SLC45A3: variants seen among roughly 807,000 people sequenced by gnomAD.
The protein encoded by SLC45A3 is solute carrier family 45 member 3.
Under a neutral mutation model 35.3 loss-of-function variants are expected in SLC45A3, and 17 were observed. The observed-to-expected ratio is 0.48, with a 90% confidence interval of 0.33 to 0.72. The LOEUF (loss-of-function observed/expected upper bound fraction) is 0.72, where lower values mean the gene tolerates loss of function less well. Among genes scored for constraint, SLC45A3 ranks in the 30% least tolerant of loss-of-function variants. SLC45A3 has a pLI of 0.02. For missense variants in SLC45A3, 597 were observed against 731.7 expected, an observed-to-expected ratio of 0.82 and a Z score of 2.12; for synonymous variants, 288 against 334.3, an observed-to-expected ratio of 0.86 and a Z score of 1.51.
rs759809054 is a variant in SLC45A3, at chr1:205,663,319, G to A, written c.472C>T (p.Arg158Cys). The A allele has an allele frequency of 6.8e-6, 11 of 1,613,286 alleles. No individual in the cohort carries two copies. Among genetic ancestry groups the A allele is most frequent in the African/African-American group, 4.0e-5 (3 of 74,940 alleles). The change falls in exon 3 of 5, where the codon CGC (arginine) becomes TGC (cysteine). Residue 158 changes from arginine (R) to cysteine (C), a missense_variant. Arg to Cys is a radical substitution (Grantham distance 180, BLOSUM62 -3). Around this residue, in one of 3 missense-constraint regions of SLC45A3, gnomAD observed 555 missense variants for 664.9 expected, o/e 0.83. Transcript: ENST00000367145. The part of the protein sequence containing the change: ...SDLFRDPDHC[R>C]QAYSVYAFMI... Reference sequence around the variant, plus strand: ...AAGGCATAGACAGAGTAGGCCTGGCGACAGTGGTCCGGGTCCCGGAAGAGG... The same window carrying A: ...AAGGCATAGACAGAGTAGGCCTGGCAACAGTGGTCCGGGTCCCGGAAGAGG...
chr1:205,671,513 T>C (rs1202882372), intron 1 of SLC45A3, among the ~76,000 whole-genome samples: 2 of 152,184 alleles, frequency 1.3e-5, no homozygotes, highest in Non-Finnish European at 2.9e-5. Flanking sequence ...CTTATTATAA[T>C]TGCATGAGCC....
At position 205,664,969 on chromosome 1, in the gene SLC45A3, A is replaced by C; in HGVS notation, c.-230-83T>G. The C allele has an allele frequency of 8.4e-7, 1 of 1,193,840 alleles. No individual in the cohort carries two copies. The highest frequency in any genetic ancestry group is 1.0e-6 in the Non-Finnish European group (1 of 958,466). 74.0% of individuals were successfully genotyped at this position (1,193,840 alleles called of 1,614,324 possible). A position where few individuals can be genotyped will look rare whatever the true frequency, so the allele number is the denominator to read the frequency against. On this transcript the variant is annotated intron_variant, in intron 1 of 4. Coordinates refer to ENST00000367145, the MANE Select transcript of SLC45A3 (RefSeq NM_033102.3). The surrounding 1 kb of genome is among the most constrained non-coding windows in gnomAD (Gnocchi z 5.3). ...CCACGATTTGCTCTAAATTGTCTGG[A>C]TCCTGATCATTCACAGGCTGGCGAC... is the stretch of plus-strand genomic sequence containing the variant.
At chr1:205,674,001 C>T (rs944329454) in intron 1 of SLC45A3, among the ~76,000 whole-genome samples, 1 of 152,244 alleles carries the variant, frequency 6.6e-6, no homozygotes, top group Non-Finnish European at 1.5e-5. Flanking sequence ...CAGAAAACAA[C>T]TGATCGCAGC....
chr1:205,658,168 A>C lies in SLC45A3; in HGVS notation c.*1066T>G, dbSNP rs928553991. 1.3e-5 allele frequency: 3 copies of C among 223,704 alleles called. No individual in the cohort carries two copies. The highest frequency in any genetic ancestry group is 6.8e-5 in the African/African-American group (3 of 44,316). The allele number at this position is 223,704 out of a possible 1,614,324, so 13.9% of individuals were successfully genotyped here. On this transcript the variant is annotated 3_prime_UTR_variant, in exon 5 of 5. Transcript: ENST00000367145. ...TGGTGGGGAAAGTTGGGGGTAGGGG[A>C]AAGTTGGGGGTAGGGGAAATTTTGG...
In SLC45A3 at chr1:205,662,284, G is replaced by A. The variant is rs192782299; in HGVS notation, c.959-158C>T. 8.1e-4 allele frequency: 1,160 copies of A among 1,431,434 alleles called. 1 individual carries two copies. The Middle Eastern group carries it at 9.1e-3, about 11-fold the overall frequency. 88.7% of individuals were successfully genotyped at this position (1,431,434 alleles called of 1,614,324 possible). On this transcript the variant is annotated intron_variant, in intron 3 of 4. Transcript: ENST00000367145. This position sits in a 1 kb window ranked among gnomAD's most constrained non-coding sequence, Gnocchi z 6.2. ...CCTTCCCCTTTCTACCTCTAGCAATGGGAGTCTAGGTTCTTCCACTGACCC... is the reference window on the plus strand; with the variant it reads ...CCTTCCCCTTTCTACCTCTAGCAATAGGAGTCTAGGTTCTTCCACTGACCC...
rs368032300 is a variant in SLC45A3, at chr1:205,662,192, T to C, written c.959-66A>G. ...AAGGGTCGGAGCAGTCTCAGGGAGA[T>C]GAGAAGGCGGAACCACAGGTACCTG... On this transcript the variant is annotated intron_variant, in intron 3 of 4. Transcript: ENST00000367145. The surrounding 1 kb of genome is among the most constrained non-coding windows in gnomAD (Gnocchi z 6.2). 3 of 1,531,680 alleles carry C rather than the reference T, an allele frequency of 2.0e-6. No homozygotes were observed. Among genetic ancestry groups the C allele is most frequent in the Non-Finnish European group, 1.8e-6 (2 of 1,137,892 alleles). The allele number at this position is 1,531,680 out of a possible 1,614,324, so 94.9% of individuals were successfully genotyped here. A position where few individuals can be genotyped will look rare whatever the true frequency, so the allele number is the denominator to read the frequency against.
rs531307029 is a variant in SLC45A3 at position 205,663,189 on chromosome 1, C to A, written c.602G>T (p.Gly201Val). 5.0e-6 allele frequency: 8 copies of A among 1,613,158 alleles called. No individual in the cohort carries two copies. In the Admixed American group the frequency reaches 1.3e-4, roughly 27 times the overall value. The change falls in exon 3 of 5, where the codon GGC (glycine) becomes GTC (valine). Residue 201 changes from glycine (G) to valine (V), a missense_variant. Physicochemically the swap from Gly to Val is moderately radical, Grantham distance 109 (BLOSUM62 -3). Coordinates refer to ENST00000367145, the MANE Select transcript of SLC45A3 (RefSeq NM_033102.3). ...YLGTQEECLF[G>V]LLTLIFLTCV... Reference sequence around the variant, plus strand: ...GGTGAGGAAGATGAGGGTGAGCAGGCCAAAGAGGCACTCCTCCTGGGTGCC... The same window carrying A: ...GGTGAGGAAGATGAGGGTGAGCAGGACAAAGAGGCACTCCTCCTGGGTGCC...
At chr1:205,665,031 G>T (rs1671097010) in intron 1 of SLC45A3, 145 bp from the exon 2 acceptor site, 3 of 646,760 alleles carry the variant, frequency 4.6e-6, no homozygotes, top group Non-Finnish European at 6.3e-6. Flanking sequence ...CTTCTGCCCA[G>T]TCAGGAAATG....
chr1:205,662,369 TG>T lies in SLC45A3; in HGVS notation c.959-244del, dbSNP rs1315005037. ...AGAGGAAGGTAGTCTGAAGGTTTCC[TG>T]GGAGTCTCAGCTGTGAGGACAGGCG... On this transcript the variant is annotated intron_variant, in intron 3 of 4. Coordinates refer to ENST00000367145, the MANE Select transcript of SLC45A3 (RefSeq NM_033102.3). The surrounding 1 kb of genome is among the most constrained non-coding windows in gnomAD (Gnocchi z 6.2). The T allele has an allele frequency of 2.5e-5, 35 of 1,395,122 alleles. No individual in the cohort carries two copies. In the East Asian group the frequency reaches 7.9e-4, roughly 32 times the overall value. 86.4% of individuals were successfully genotyped at this position (1,395,122 alleles called of 1,614,324 possible).
At chr1:205,676,377 G>A (rs543293814) in intron 1 of SLC45A3, among the ~76,000 whole-genome samples, 11 of 152,108 alleles carry the variant, frequency 7.2e-5, no homozygotes, top group African/African-American at 2.2e-4. Context: ...GGACTACAGC[G>A]CCAGGAAGTG....
In SLC45A3 at chr1:205,673,371, C is replaced by G. The variant is rs377119124; in HGVS notation, c.-231+7023G>C. ...CAGGCCACTCGGAAATTCCTTCCCC[C>G]CATCCTGCCTTTTCGTACAGCCACT... On this transcript the variant is annotated intron_variant, in intron 1 of 4. Coordinates refer to ENST00000367145, the MANE Select transcript of SLC45A3 (RefSeq NM_033102.3). Among the ~76,000 whole-genome samples, 13 of 152,306 alleles carry G rather than the reference C, an allele frequency of 8.5e-5. No homozygotes were observed. In the East Asian group the frequency reaches 2.3e-3, roughly 27 times the overall value.
chr1:205,662,985 C>T lies in SLC45A3; in HGVS notation c.806G>A (p.Arg269His), dbSNP rs781697076. Residue 269 changes from arginine to histidine, a missense_variant, in exon 3 of 5, where the codon CGC (arginine) becomes CAC (histidine). By Grantham distance (29) the Arg-to-His change is conservative. Coordinates refer to ENST00000367145, the MANE Select transcript of SLC45A3 (RefSeq NM_033102.3). This position sits in a 1 kb window ranked among gnomAD's most constrained non-coding sequence, Gnocchi z 6.2. Reference sequence around the variant, plus strand: ...AGCCACGAAGAGCCGGCGCAGGGTGCGGGGCATGCGGCAGCACAGCTGGTG... The same window carrying T: ...AGCCACGAAGAGCCGGCGCAGGGTGTGGGGCATGCGGCAGCACAGCTGGTG... Reference protein sequence around the residue: ...RLHQLCCRMPRTLRRLFVAEL... With the variant: ...RLHQLCCRMPHTLRRLFVAEL... 5 of 1,613,050 alleles carry T rather than the reference C, an allele frequency of 3.1e-6. No homozygotes were observed. In the African/African-American group the frequency reaches 4.0e-5, roughly 13 times the overall value.
At position 205,659,098 on chromosome 1, in the gene SLC45A3, G is replaced by T; in HGVS notation, c.*136C>A. On this transcript the variant is annotated 3_prime_UTR_variant, in exon 5 of 5. Transcript: ENST00000367145. This position sits in a 1 kb window ranked among gnomAD's most constrained non-coding sequence, Gnocchi z 5.8. ...TGCAGCTACGCACCTCAGCAGCACA[G>T]GGTGGCAGCAGAGAGCCACATTACT... The T allele has an allele frequency of 1.1e-6, 1 of 872,122 alleles. No individual in the cohort carries two copies. Among genetic ancestry groups the T allele is most frequent in the South Asian group, 1.7e-5 (1 of 58,166 alleles). The allele number at this position is 872,122 out of a possible 1,614,324, so 54.0% of individuals were successfully genotyped here. A position where few individuals can be genotyped will look rare whatever the true frequency, so the allele number is the denominator to read the frequency against.
chr1:205,674,622 A>G (rs200752153), intron 1 of SLC45A3, among the ~76,000 whole-genome samples: 5,206 of 149,304 alleles, frequency 0.035, 248 homozygotes, highest in East Asian at 0.14. Context: ...AAAAAAAAAA[A>G]AAAAAAGAGA....
chr1:205,662,437 A>C lies in SLC45A3; in HGVS notation c.959-311T>G. The C allele has an allele frequency of 7.5e-7, 1 of 1,329,004 alleles. No homozygotes were observed. Among genetic ancestry groups the C allele is most frequent in the Non-Finnish European group, 9.6e-7 (1 of 1,041,726 alleles). 82.3% of individuals were successfully genotyped at this position (1,329,004 alleles called of 1,614,324 possible). A position where few individuals can be genotyped will look rare whatever the true frequency, so the allele number is the denominator to read the frequency against. On this transcript the variant is annotated intron_variant, in intron 3 of 4. Transcript: ENST00000367145. This position sits in a 1 kb window ranked among gnomAD's most constrained non-coding sequence, Gnocchi z 6.2. Reference sequence around the variant, plus strand: ...AAGACAGCTGGCCATAGGCTTCAAGACGCTTCTAGGACGCCTGAGCTGGAA... The same window carrying C: ...AAGACAGCTGGCCATAGGCTTCAAGCCGCTTCTAGGACGCCTGAGCTGGAA...
At position 205,662,857 on chromosome 1, in the gene SLC45A3, C is replaced by A; in HGVS notation, c.934G>T (p.Glu312Ter). The stretch of plus-strand genomic sequence containing the variant: ...CCTTCATCATAGTGTCTCCGGGCCT[C>A]GGTGCCCGGCTCAGCTCTGGGCACG... ...QGVPRAEPGT[E>*]ARRHYDEGVR... Residue 312 changes from glutamate (E) to a stop codon, truncating the protein, a stop_gained, in exon 3 of 5, where the codon GAG becomes TAG. Transcript: ENST00000367145. LOFTEE classifies it high-confidence loss of function. This position sits in a 1 kb window ranked among gnomAD's most constrained non-coding sequence, Gnocchi z 6.2. The A allele has an allele frequency of 6.2e-7, 1 of 1,602,070 alleles. No individual in the cohort carries two copies. Among genetic ancestry groups the A allele is most frequent in the Non-Finnish European group, 8.5e-7 (1 of 1,172,842 alleles).
intron 2 of SLC45A3, 100 bp from the exon 3 acceptor site, chr1:205,663,718 A>T: frequency 8.4e-7 from 1 of 1,194,328 alleles, no homozygotes; most frequent in Non-Finnish European, 1.2e-6. Flanking sequence ...AACATTCCGT[A>T]CTCGACACTG....
At chr1:205,663,815 C>T in intron 2 of SLC45A3, among the ~76,000 whole-genome samples, 197 bp from the exon 3 acceptor site, 1 of 152,176 alleles carries the variant, frequency 6.6e-6, no homozygotes, top group Non-Finnish European at 1.5e-5. Context: ...CAAACTGAGG[C>T]ATGGAGCAAC....
At chr1:205,667,150 C>A (rs1006364836) in intron 1 of SLC45A3, among the ~76,000 whole-genome samples, 1 of 152,118 alleles carries the variant, frequency 6.6e-6, no homozygotes, top group African/African-American at 2.4e-5. Context: ...GGGATGATGG[C>A]TTGAGGGCAG....
Sources: allele counts gnomAD v4.1 joint callset (sites outside exome capture counted in the v4.1 genomes callset), GRCh38; gene constraint gnomAD v4.1.1; regional missense constraint gnomAD v4.1.1; non-coding constraint Gnocchi (gnomAD v3.1); transcripts MANE v1.5; gene names NCBI Gene and HGNC (gene_info 2026-07-23, HGNC 2026-07-21).